KCNIP1: variants seen among roughly 807,000 people sequenced by gnomAD.
The protein encoded by KCNIP1 is A-type potassium channel modulatory protein KCNIP1.
In KCNIP1, 18 loss-of-function variants were observed where a neutral mutation model predicts 33.0. That is an observed-to-expected ratio of 0.55 (90% CI 0.38 to 0.81). KCNIP1 has a LOEUF of 0.81. KCNIP1 is among the 30% of genes least tolerant of loss of function. The probability of loss-of-function intolerance (pLI) is 0.00; values close to 1 mark genes in which losing one functional copy is unlikely to be tolerated. For missense variants in KCNIP1, 238 were observed against 271.6 expected (o/e 0.88, Z 0.87); for synonymous variants, 93 against 98.3 (o/e 0.95, Z 0.32).
intron 1 of KCNIP1, among the ~76,000 whole-genome samples, chr5:170,694,802 A>AATAT (rs1762837235): frequency 6.6e-6 from 1 of 152,150 alleles, no homozygotes; most frequent in Non-Finnish European, 1.5e-5. Flanking sequence ...CAAAGGAAAT[A>AATAT]AATAGGTGTT....
At chr5:170,734,521 G>A (rs1764315850) in intron 7 of KCNIP1, among the ~76,000 whole-genome samples, 1 of 152,160 alleles carries the variant, frequency 6.6e-6, no homozygotes, top group East Asian at 1.9e-4. Flanking sequence ...AGTCACACTG[G>A]TGATGCTGAT....
At chr5:170,664,183 C>T (rs1052544069) in intron 1 of KCNIP1, among the ~76,000 whole-genome samples, 3 of 152,182 alleles carry the variant, frequency 2.0e-5, no homozygotes, top group Admixed American at 6.5e-5. Flanking sequence ...ATGGGCTCCT[C>T]TTCCTGCACC....
At chr5:170,461,643 G>A (rs528426721) in intron 1 of KCNIP1, among the ~76,000 whole-genome samples, 16 of 152,056 alleles carry the variant, frequency 1.1e-4, no homozygotes, top group South Asian at 2.1e-4. Flanking sequence ...CCAGCTACTC[G>A]GGAGGCTGAG....
chr5:170,618,564 A>AGGGAGGGG, intron 1 of KCNIP1, among the ~76,000 whole-genome samples: 1 of 26,740 alleles, frequency 3.7e-5, no homozygotes, highest in Non-Finnish European at 7.3e-5. Context: ...GGAGGGAGGG[A>AGGGAGGGG]GGGAGGGAGC....
intron 1 of KCNIP1, among the ~76,000 whole-genome samples, chr5:170,443,968 A>C (rs1270417546): frequency 6.6e-6 from 1 of 152,194 alleles, no homozygotes; most frequent in East Asian, 1.9e-4. Flanking sequence ...GGTGGGTGTA[A>C]ATTTGCAAAC....
At chr5:170,521,062 A>G (rs1156617987) in intron 1 of KCNIP1, among the ~76,000 whole-genome samples, 2 of 152,212 alleles carry the variant, frequency 1.3e-5, no homozygotes, top group East Asian at 3.9e-4. Flanking sequence ...GGGTTGTTAC[A>G]GTGTGAGCCC....
At chr5:170,552,173 C>T (rs143246871) in intron 1 of KCNIP1, among the ~76,000 whole-genome samples, 46 of 152,234 alleles carry the variant, frequency 3.0e-4, no homozygotes, top group African/African-American at 1.1e-3. Context: ...CAACACAGCA[C>T]TGGGCCCTGG....
chr5:170,619,957 CAG>C (rs1759539329), intron 1 of KCNIP1, among the ~76,000 whole-genome samples: 1 of 152,216 alleles, frequency 6.6e-6, no homozygotes, highest in African/African-American at 2.4e-5. Context: ...AGAGAGGCAA[CAG>C]AGCCAGAAAC....
At chr5:170,564,309 TC>T (rs1350523071) in intron 1 of KCNIP1, among the ~76,000 whole-genome samples, 2 of 152,184 alleles carry the variant, frequency 1.3e-5, no homozygotes, top group African/African-American at 2.4e-5. Context: ...TCTCATCTTC[TC>T]CCGCCTCTGC....
intron 1 of KCNIP1, among the ~76,000 whole-genome samples, chr5:170,541,769 G>A (rs562839787): frequency 3.8e-4 from 57 of 151,974 alleles, no homozygotes; most frequent in African/African-American, 1.3e-3. Context: ...CCATGTACAG[G>A]CTGAAGCTTG....
chr5:170,488,082 G>A (rs1757135340), intron 1 of KCNIP1, among the ~76,000 whole-genome samples: 1 of 152,182 alleles, frequency 6.6e-6, no homozygotes, highest in African/African-American at 2.4e-5. Context: ...AATATAAGCT[G>A]ATGGTGCCTC....
chr5:170,660,221 G>A (rs1453629853), intron 1 of KCNIP1, among the ~76,000 whole-genome samples: 2 of 152,094 alleles, frequency 1.3e-5, no homozygotes, highest in Non-Finnish European at 2.9e-5. Flanking sequence ...AAAACTGTTG[G>A]CTGTAAAACC....
At chr5:170,580,510 C>T (rs1757750749) in intron 1 of KCNIP1, among the ~76,000 whole-genome samples, 1 of 152,174 alleles carries the variant, frequency 6.6e-6, no homozygotes, top group African/African-American at 2.4e-5. Context: ...CTTCAGGAGC[C>T]AGACCCTCAA....
At chr5:170,509,257 C>G (rs1331815608) in intron 1 of KCNIP1, among the ~76,000 whole-genome samples, 1 of 152,182 alleles carries the variant, frequency 6.6e-6, no homozygotes, top group Admixed American at 6.5e-5. Flanking sequence ...ACTCCCACTC[C>G]CTCATAATCA....
At chr5:170,384,875 G>A (rs972030669) in intron 1 of KCNIP1, among the ~76,000 whole-genome samples, 2 of 152,204 alleles carry the variant, frequency 1.3e-5, no homozygotes, top group African/African-American at 4.8e-5. Context: ...GTTCAGTGAG[G>A]CAAGGAGCTC....
intron 1 of KCNIP1, among the ~76,000 whole-genome samples, chr5:170,419,751 C>T (rs571606641): frequency 6.4e-4 from 97 of 152,280 alleles, no homozygotes; most frequent in African/African-American, 2.2e-3. Flanking sequence ...TGCATTGGGA[C>T]GCAGGCCTGA....
At chr5:170,478,764 G>A (rs1756912173) in intron 1 of KCNIP1, among the ~76,000 whole-genome samples, 1 of 152,202 alleles carries the variant, frequency 6.6e-6, no homozygotes, top group Admixed American at 6.5e-5. Flanking sequence ...TGAAGCATTA[G>A]CTTTCAAGAT....
At chr5:170,653,518 G>A (rs899694213) in intron 1 of KCNIP1, among the ~76,000 whole-genome samples, 1 of 152,006 alleles carries the variant, frequency 6.6e-6, no homozygotes, top group African/African-American at 2.4e-5. Context: ...GGCTACAAAT[G>A]AATGTAAAAA....
At chr5:170,399,535 G>T (rs977309604) in intron 1 of KCNIP1, among the ~76,000 whole-genome samples, 12 of 152,026 alleles carry the variant, frequency 7.9e-5, no homozygotes, top group African/African-American at 2.7e-4. Context: ...GTAAAAAAGG[G>T]GGAAAATAAA....
Sources: gnomAD v4.1 joint callset for allele counts (sites outside exome capture counted in the v4.1 genomes callset) on GRCh38, gnomAD v4.1.1 for gene constraint, MANE v1.5 for transcripts, NCBI Gene and HGNC (gene_info 2026-07-23, HGNC 2026-07-21) for gene names.